MAX: variants seen among roughly 807,000 people sequenced by gnomAD.
MAX encodes protein max.
MAX carries 3 observed loss-of-function variants against 22.3 expected under a neutral mutation model. The observed-to-expected ratio is 0.13, with a 90% CI of 0.06 to 0.35. The LOEUF (loss-of-function observed/expected upper bound fraction) is 0.35. MAX is among the 10% of genes least tolerant of loss of function. The pLI, the probability that MAX is intolerant of heterozygous loss-of-function variation, is 1.00. For synonymous variants in MAX, 72 were observed against 77.7 expected, an observed-to-expected ratio of 0.93 and a Z score of 0.39; for missense variants, 119 against 209.4, an observed-to-expected ratio of 0.57 and a Z score of 2.66.
chr14:65,015,453 C>A, intron 3 of MAX: 1 of 310,004 alleles, frequency 3.2e-6, no homozygotes, highest in Non-Finnish European at 5.9e-6. Flanking sequence ...GTCATTTCAG[C>A]TCCTGGCTAA....
At chr14:65,018,750 C>T (rs538596233) in intron 3 of MAX, among the ~76,000 whole-genome samples, 10 of 146,802 alleles carry the variant, frequency 6.8e-5, no homozygotes, top group African/African-American at 1.8e-4. Flanking sequence ...GTGGACGTTG[C>T]GACGAGCCAA....
intron 3 of MAX, among the ~76,000 whole-genome samples, chr14:65,017,205 G>T (rs1230354468): frequency 1.3e-5 from 2 of 152,150 alleles, no homozygotes; most frequent in African/African-American, 4.8e-5. Flanking sequence ...TAACAGGTGT[G>T]AGCCACCACA....
chr14:65,073,973 C>A (rs2063013723), downstream of MAX, among the ~76,000 whole-genome samples: 1 of 152,208 alleles, frequency 6.6e-6, no homozygotes, highest in Non-Finnish European at 1.5e-5. Context: ...AGCCAATACA[C>A]TGGAGCCAGG....
In MAX at chr14:65,084,814, A is replaced by G. The variant is rs2063285490; in HGVS notation, c.172-6778T>C. ...CATGTAGATGAAGAGACCAGGAAGG[A>G]ATACACAAATTGATAACACTATATT... is the stretch of plus-strand genomic sequence containing the variant. On this transcript the variant is annotated intron_variant, in intron 3 of 4. Coordinates refer to ENST00000358664, the MANE Select transcript of MAX (RefSeq NM_002382.5). This position sits in a 1 kb window ranked among gnomAD's most constrained non-coding sequence, Gnocchi z 4.3. Among the ~76,000 whole-genome samples, 1 of 152,356 alleles carries G rather than the reference A, an allele frequency of 6.6e-6. No individual in the cohort carries two copies. Among genetic ancestry groups the G allele is most frequent in the African/African-American group, 2.4e-5 (1 of 41,584 alleles).
intron 3 of MAX, among the ~76,000 whole-genome samples, chr14:65,066,088 AGGCTGGAT>A (rs2139712179): frequency 6.6e-6 from 1 of 152,306 alleles, no homozygotes; most frequent in African/African-American, 2.4e-5. Context: ...GTTTACCTCT[AGGCTGGAT>A]GGCTGAGGCC....
At chr14:65,015,847 A>G in intron 3 of MAX, 3 of 1,022,628 alleles carry the variant, frequency 2.9e-6, no homozygotes, top group Non-Finnish European at 2.9e-6. Context: ...TGCTCTTCTC[A>G]TGACCTCCGG....
intron 3 of MAX, among the ~76,000 whole-genome samples, chr14:65,064,316 T>A (rs947641956): frequency 6.6e-6 from 1 of 152,206 alleles, no homozygotes; most frequent in African/African-American, 2.4e-5. Context: ...TAATATGATT[T>A]AAGACACCAT....
intron 3 of MAX, among the ~76,000 whole-genome samples, chr14:65,067,184 T>TAAA (rs111423249): frequency 6.0e-4 from 80 of 133,520 alleles, no homozygotes; most frequent in Middle Eastern, 3.8e-3. Context: ...GACCCTGTCT[T>TAAA]AAAAAAAAAA....
Position 65,007,183 on chromosome 14 carries a change from G to A in MAX, c.172-899C>T, listed in dbSNP as rs1374446632. ...CAAACATCACCATCATAGAATAAGC[G>A]AGGATATAAGAATAAATTAGAAAAT... On this transcript the variant is annotated intron_variant, in intron 3 of 3. Transcript: ENST00000341653. The surrounding 1 kb of genome is among the most constrained non-coding windows in gnomAD (Gnocchi z 4.9). Among the ~76,000 whole-genome samples the A allele has an allele frequency of 2.0e-5, 3 of 152,170 alleles. No individual in the cohort carries two copies. The highest frequency in any genetic ancestry group is 1.9e-4 in the East Asian group (1 of 5,206).
chr14:65,086,831 A>G (rs182686121), intron 3 of MAX, among the ~76,000 whole-genome samples: 14 of 152,338 alleles, frequency 9.2e-5, no homozygotes, highest in Non-Finnish European at 1.9e-4. Flanking sequence ...AATCCCCAAG[A>G]CAATGGGGAA....
chr14:65,012,519 C>T lies in MAX; in HGVS notation c.172-6235G>A. On this transcript the variant is annotated intron_variant, in intron 3 of 3. Transcript: ENST00000341653. The surrounding 1 kb of genome is among the most constrained non-coding windows in gnomAD (Gnocchi z 5.0). Reference sequence around the variant, plus strand: ...CACTCTTTGTTCTCTGTGGCTCTGGCAGGAGGTAGGGTGCTGTCACAGAGC... The same window carrying T: ...CACTCTTTGTTCTCTGTGGCTCTGGTAGGAGGTAGGGTGCTGTCACAGAGC... 2 of 1,267,532 alleles carry T rather than the reference C, an allele frequency of 1.6e-6. No homozygotes were observed. The highest frequency in any genetic ancestry group is 1.1e-6 in the Non-Finnish European group (1 of 913,220). 78.5% of individuals were successfully genotyped at this position (1,267,532 alleles called of 1,614,324 possible).
chr14:65,059,363 T>C (rs1330992356), intron 3 of MAX, among the ~76,000 whole-genome samples: 2 of 152,090 alleles, frequency 1.3e-5, no homozygotes, highest in African/African-American at 4.8e-5. Context: ...AAAAGGTTTG[T>C]ATAGATCAGA....
At position 65,102,294 on chromosome 14, in the gene MAX, C is replaced by A. The variant is rs1421908769; in HGVS notation, c.36+10G>T. ...AACCCGCACGGGAAGGAAGAAGCCC[C>A]AGGACTCACGTCGCTCTCCACCTCG... On this transcript the variant is annotated intron_variant, in intron 1 of 4. Transcript: ENST00000358664. 5 of 1,613,722 alleles carry A rather than the reference C, an allele frequency of 3.1e-6. No individual in the cohort carries two copies. In the South Asian group the frequency reaches 3.3e-5, roughly 11 times the overall value.
intron 3 of MAX, among the ~76,000 whole-genome samples, chr14:65,081,639 T>G (rs776771278): frequency 6.6e-6 from 1 of 152,232 alleles, no homozygotes; most frequent in Non-Finnish European, 1.5e-5. Context: ...ACTGATCAGA[T>G]AGAACTTGGT....
chr14:65,022,147 A>C (rs1198186831), intron 3 of MAX: 1 of 446,556 alleles, frequency 2.2e-6, no homozygotes, highest in Non-Finnish European at 4.5e-6. Flanking sequence ...TCACTATATC[A>C]AGCTGAAGCT....
In MAX at chr14:65,023,241, T is replaced by A. The variant is rs1388502970; in HGVS notation, c.172-16957A>T. 6.6e-6 allele frequency among the ~76,000 whole-genome samples: 1 copy of A among 152,118 alleles called. No homozygotes were observed. The highest frequency in any genetic ancestry group is 1.5e-5 in the Non-Finnish European group (1 of 68,024). On this transcript the variant is annotated intron_variant, in intron 3 of 3. Transcript: ENST00000341653. The surrounding 1 kb of genome is among the most constrained non-coding windows in gnomAD (Gnocchi z 4.1). Reference sequence around the variant, plus strand: ...GCCTGGTTAATTTTTATAATTCTTGTAGAGATGGGGTTTTGCCATGTTGCC... The same window carrying A: ...GCCTGGTTAATTTTTATAATTCTTGAAGAGATGGGGTTTTGCCATGTTGCC...
Position 65,075,368 on chromosome 14 carries a change from G to A in MAX, c.*1108C>T. 1 of 1,063,408 alleles carries A rather than the reference G, an allele frequency of 9.4e-7. No individual in the cohort carries two copies. The highest frequency in any genetic ancestry group is 1.1e-6 in the Non-Finnish European group (1 of 877,794). 65.9% of individuals were successfully genotyped at this position (1,063,408 alleles called of 1,614,324 possible). A position where few individuals can be genotyped will look rare whatever the true frequency, so the allele number is the denominator to read the frequency against. Reference sequence around the variant, plus strand: ...CACTGGCATCTGCTGACCACAGCCAGAACCAGGGCTGGATCACACAATGGA... The same window carrying A: ...CACTGGCATCTGCTGACCACAGCCAAAACCAGGGCTGGATCACACAATGGA... On this transcript the variant is annotated 3_prime_UTR_variant, in exon 5 of 5. Coordinates refer to ENST00000358664, the MANE Select transcript of MAX (RefSeq NM_002382.5). The surrounding 1 kb of genome is among the most constrained non-coding windows in gnomAD (Gnocchi z 4.1).
At chr14:65,033,147 G>A (rs1315084056) in intron 3 of MAX, among the ~76,000 whole-genome samples, 11 of 152,070 alleles carry the variant, frequency 7.2e-5, no homozygotes, top group Non-Finnish European at 1.5e-4. Context: ...TAGTTGCATC[G>A]GAATATAATG....
chr14:65,065,930 C>T (rs2062927078), intron 3 of MAX, among the ~76,000 whole-genome samples: 1 of 152,214 alleles, frequency 6.6e-6, no homozygotes, highest in African/African-American at 2.4e-5. Context: ...TTACGTAAAT[C>T]ACCCAAGGTT....
Sources: allele counts gnomAD v4.1 joint callset (sites outside exome capture counted in the v4.1 genomes callset), GRCh38; gene constraint gnomAD v4.1.1; non-coding constraint Gnocchi (gnomAD v3.1); transcripts MANE v1.5; gene names NCBI Gene and HGNC (gene_info 2026-07-23, HGNC 2026-07-21).